The following HOXC4 variants were observed in gnomAD, a reference collection of about 807,000 sequenced individuals.
HOXC4 encodes homeobox protein Hox-C4.
Under a neutral mutation model 25.5 loss-of-function variants are expected in HOXC4, and 15 were observed. The ratio of observed to expected loss-of-function variants is 0.59; its 90% CI spans 0.39 to 0.91. HOXC4 has a LOEUF of 0.91. Ranked by LOEUF, HOXC4 falls within the 40% of genes least tolerant of loss-of-function variation. The pLI is 0.00. For synonymous variants in HOXC4, 165 were observed against 148.0 expected (o/e 1.11, Z -0.83); for missense variants, 342 against 352.4 (o/e 0.97, Z 0.24).
intron 1 of HOXC4, among the ~76,000 whole-genome samples, chr12:54,031,501 T>A (rs1000764885): frequency 1.3e-5 from 2 of 152,166 alleles, no homozygotes; most frequent in Non-Finnish European, 2.9e-5. Context: ...TACTTTTCTC[T>A]CCTCAAACGG....
upstream of HOXC4, among the ~76,000 whole-genome samples, chr12:54,049,197 T>C (rs978597548): frequency 1.4e-4 from 21 of 152,326 alleles, no homozygotes; most frequent in Admixed American, 3.9e-4. Flanking sequence ...CCTTCATTTT[T>C]CCCCTTCCAC....
At chr12:54,028,909 A>T in intron 1 of HOXC4, 1 of 1,610,046 alleles carries the variant, frequency 6.2e-7, no homozygotes, top group Non-Finnish European at 8.5e-7. Flanking sequence ...GCAGCGAATG[A>T]ATTCGCACAG....
intron 1 of HOXC4, among the ~76,000 whole-genome samples, chr12:54,026,931 A>C (rs1037935503): frequency 3.3e-4 from 48 of 147,684 alleles, no homozygotes; most frequent in African/African-American, 1.2e-3. Context: ...TGTTATAGCC[A>C]GCTTTCCCCC....
intron 1 of HOXC4, among the ~76,000 whole-genome samples, chr12:54,026,971 G>GT (rs1432034525): frequency 3.6e-5 from 5 of 138,436 alleles, no homozygotes; most frequent in Non-Finnish European, 6.5e-5. Context: ...TGGTGGGGGG[G>GT]GGGGGATATG....
At chr12:54,031,142 G>A (rs1362470077) in intron 1 of HOXC4, among the ~76,000 whole-genome samples, 1 of 152,250 alleles carries the variant, frequency 6.6e-6, no homozygotes, top group East Asian at 1.9e-4. Flanking sequence ...CCTGCCTGTG[G>A]CAGCCGGTGT....
Position 54,054,297 on chromosome 12 carries a change from C to G in HOXC4, c.375C>G (p.Pro125=). 1 of 1,606,658 alleles carries G rather than the reference C, an allele frequency of 6.2e-7. No homozygotes were observed. The highest frequency in any genetic ancestry group is 8.5e-7 in the Non-Finnish European group (1 of 1,176,582). The part of the protein sequence containing the change: ...PACSQPAPDH[P]SSAASKQPIV... Reference sequence around the variant, plus strand: ...GCAGCCAGCCAGCCCCCGACCATCCCTCCAGCGCCGCCAGCAAGCAACCCA... The same window carrying G: ...GCAGCCAGCCAGCCCCCGACCATCCGTCCAGCGCCGCCAGCAAGCAACCCA... Residue 125 remains proline, a synonymous_variant, in exon 1 of 2, where the codon CCC becomes CCG. Transcript: ENST00000430889.
intron 1 of HOXC4, chr12:54,017,485 G>A (rs903501993): frequency 6.6e-6 from 1 of 151,928 alleles, no homozygotes; most frequent in Admixed American, 6.5e-5. Flanking sequence ...GGACAGCAGC[G>A]GCTTCTCTTG....
At chr12:54,040,913 C>T (rs999724085) in intron 1 of HOXC4, among the ~76,000 whole-genome samples, 1 of 152,164 alleles carries the variant, frequency 6.6e-6, no homozygotes, top group Non-Finnish European at 1.5e-5. Context: ...TGGTACCTTT[C>T]GTTTGTCGAA....
chr12:54,025,535 G>T (rs983361942), intron 1 of HOXC4, among the ~76,000 whole-genome samples: 3 of 103,382 alleles, frequency 2.9e-5, no homozygotes, highest in Admixed American at 2.6e-4. Context: ...ATTGGGGGGG[G>T]GGGAGGTGTT....
At chr12:54,020,326 C>A (rs796917771) in intron 1 of HOXC4, 9 of 152,268 alleles carry the variant, frequency 5.9e-5, no homozygotes, top group African/African-American at 2.2e-4. Context: ...CTTTGGGCAC[C>A]CTTAGGCTTG....
At chr12:54,030,158 C>A in intron 1 of HOXC4, 1 of 538,220 alleles carries the variant, frequency 1.9e-6, no homozygotes, top group Admixed American at 3.3e-5. Flanking sequence ...TTTCACCACG[C>A]GCCTCCTCCT....
At chr12:54,033,356 C>T in intron 1 of HOXC4, 3 of 1,612,758 alleles carry the variant, frequency 1.9e-6, no homozygotes, top group Non-Finnish European at 2.5e-6. Context: ...CCTGCAGCGC[C>T]GCGGCCGCTC....
chr12:54,033,154 A>T (rs1238395522), intron 1 of HOXC4: 2 of 1,613,504 alleles, frequency 1.2e-6, no homozygotes, highest in African/African-American at 2.7e-5. Context: ...TCATTCTATA[A>T]GCAGAGCCCC....
chr12:54,040,408 G>C (rs1430855741), intron 1 of HOXC4, among the ~76,000 whole-genome samples: 1 of 152,044 alleles, frequency 6.6e-6, no homozygotes, highest in Non-Finnish European at 1.5e-5. Context: ...CACAGCCTTA[G>C]CTCCTGGGTT....
In HOXC4 at chr12:54,028,437, C is replaced by T. The variant is rs1281098310; in HGVS notation, c.-124+11023C>T. 9.8e-6 allele frequency: 14 copies of T among 1,433,046 alleles called. No homozygotes were observed. The Admixed American group carries it at 2.8e-4, about 29-fold the overall frequency. The allele number at this position is 1,433,046 out of a possible 1,614,324, so 88.8% of individuals were successfully genotyped here. On this transcript the variant is annotated intron_variant, in intron 1 of 3. Coordinates refer to the HOXC4 transcript ENST00000303406. ...TTGTCTGTCCTGGATTGGAGCCGTCCCTATAACCATCTAGTTCCGAGTACA... is the reference window on the plus strand; with the variant it reads ...TTGTCTGTCCTGGATTGGAGCCGTCTCTATAACCATCTAGTTCCGAGTACA...
intron 1 of HOXC4, chr12:54,037,828 T>C (rs1941213110): frequency 6.6e-6 from 1 of 152,200 alleles, no homozygotes; most frequent in East Asian, 1.9e-4. Flanking sequence ...AACCAAGTTT[T>C]ATGGTGTAGG....
chr12:54,040,901 A>C (rs1383953799), intron 1 of HOXC4, among the ~76,000 whole-genome samples: 1 of 152,162 alleles, frequency 6.6e-6, no homozygotes, highest in African/African-American at 2.4e-5. Flanking sequence ...GAAAGTTCTG[A>C]TTGGTACCTT....
chr12:54,028,725 G>A, intron 1 of HOXC4: 3 of 1,614,144 alleles, frequency 1.9e-6, no homozygotes, highest in Non-Finnish European at 2.5e-6. Flanking sequence ...CCAGCCGGGG[G>A]CCGTATGACT....
At chr12:54,033,275 G>GCCTGCGCCTTCCAACTCTCTCCA in intron 1 of HOXC4, 5 of 1,614,156 alleles carry the variant, frequency 3.1e-6, no homozygotes, top group Non-Finnish European at 4.2e-6. Context: ...CTTTCCCACC[G>GCCTGCGCCTTCCAACTCTCTCCA]CCTGCGCCTT....
Sources: gnomAD v4.1 joint callset for allele counts (sites outside exome capture counted in the v4.1 genomes callset) on GRCh38, gnomAD v4.1.1 for gene constraint, MANE v1.5 for transcripts, NCBI Gene and HGNC (gene_info 2026-07-23, HGNC 2026-07-21) for gene names.